The following CPEB1 variants were observed in gnomAD, a reference collection of about 807,000 sequenced individuals.
The protein encoded by CPEB1 is cytoplasmic polyadenylation element-binding protein 1.
Under a neutral mutation model 65.8 loss-of-function variants are expected in CPEB1, and 7 were observed. The observed-to-expected ratio is 0.11, with a 90% CI of 0.06 to 0.20. The LOEUF is 0.20. Ranked by LOEUF, CPEB1 falls within the 10% of genes least tolerant of loss-of-function variation. The pLI is 1.00. For synonymous variants in CPEB1, 262 were observed against 260.0 expected (o/e 1.01, Z -0.08); for missense variants, 551 against 712.2 (o/e 0.77, Z 2.58).
chr15:82,578,300 G>C (rs560331046), intron 3 of CPEB1, among the ~76,000 whole-genome samples: 1 of 152,128 alleles, frequency 6.6e-6, no homozygotes, highest in East Asian at 1.9e-4. Context: ...AGGAATGAAC[G>C]CAACTATCAG....
chr15:82,620,358 GA>G (rs2045185523), intron 3 of CPEB1, among the ~76,000 whole-genome samples: 1 of 151,396 alleles, frequency 6.6e-6, no homozygotes, highest in Non-Finnish European at 1.5e-5. Context: ...CTGGGAGGCG[GA>G]GGATGCAGGG....
chr15:82,557,776 T>C lies in CPEB1; in HGVS notation c.671A>G (p.His224Arg). 3 of 1,613,870 alleles carry C rather than the reference T, an allele frequency of 1.9e-6. No homozygotes were observed. The highest frequency in any genetic ancestry group is 2.5e-6 in the Non-Finnish European group (3 of 1,179,870). Residue 224 changes from histidine (H) to arginine (R), a missense_variant, in exon 5 of 13, where the codon CAT becomes CGT. By Grantham distance (29) the His-to-Arg change is conservative (BLOSUM62 0). Transcript: ENST00000684509. The part of the protein sequence containing the change: ...DTSGFSSGSD[H>R]LSDLISSLRI... ...GTTACATACAATCAAATCTGAGAGATGATCTGATCCAGAGCTGAAGCCACT... is the reference window on the plus strand; with the variant it reads ...GTTACATACAATCAAATCTGAGAGACGATCTGATCCAGAGCTGAAGCCACT...
intron 1 of CPEB1, among the ~76,000 whole-genome samples, chr15:82,631,423 A>G (rs1202228009): frequency 6.7e-6 from 1 of 148,568 alleles, no homozygotes; most frequent in Non-Finnish European, 1.5e-5. Flanking sequence ...TTTGGAAGGA[A>G]AAAAAAAAAA....
At chr15:82,614,086 G>A (rs1004768574) in intron 3 of CPEB1, among the ~76,000 whole-genome samples, 1 of 151,018 alleles carries the variant, frequency 6.6e-6, no homozygotes, top group East Asian at 2.0e-4. Context: ...ACCCTGGGAC[G>A]GCCCCAGGGG....
At chr15:82,591,842 CTTTTTTT>C (rs771971142) in intron 3 of CPEB1, among the ~76,000 whole-genome samples, 8 of 134,130 alleles carry the variant, frequency 6.0e-5, no homozygotes, top group African/African-American at 1.9e-4. Flanking sequence ...TGTATCAGAA[CTTTTTTT>C]TTTTTTTTTT....
intron 1 of CPEB1, chr15:82,640,981 AG>A (rs1399191568): frequency 6.6e-6 from 1 of 152,174 alleles, no homozygotes; most frequent in African/African-American, 2.4e-5. Flanking sequence ...AACACAGCAG[AG>A]GTAAGAGTGT....
intron 4 of CPEB1, among the ~76,000 whole-genome samples, chr15:82,565,555 A>G (rs2038984125): frequency 6.6e-6 from 1 of 152,232 alleles, no homozygotes; most frequent in Non-Finnish European, 1.5e-5. Context: ...AATCCAGTGG[A>G]AATGACAGGT....
At chr15:82,562,085 TG>T in intron 4 of CPEB1, 1 of 393,532 alleles carries the variant, frequency 2.5e-6, no homozygotes, top group Non-Finnish European at 4.9e-6. Context: ...GCAGTCAGTT[TG>T]TAAAAGTAAC....
intron 3 of CPEB1, among the ~76,000 whole-genome samples, chr15:82,603,723 C>T (rs965472346): frequency 3.9e-5 from 6 of 152,136 alleles, no homozygotes; most frequent in Non-Finnish European, 8.8e-5. Context: ...CAGTTTCTGT[C>T]CATCATTAGC....
intron 3 of CPEB1, among the ~76,000 whole-genome samples, chr15:82,612,281 G>A (rs919396721): frequency 2.0e-5 from 3 of 152,020 alleles, no homozygotes; most frequent in Non-Finnish European, 4.4e-5. Context: ...TGGATTGCCT[G>A]AGGTCAGGAG....
chr15:82,560,518 C>G (rs1190118200), intron 4 of CPEB1, among the ~76,000 whole-genome samples: 2 of 150,784 alleles, frequency 1.3e-5, no homozygotes, highest in African/African-American at 2.4e-5. Context: ...GCCTCTAGAA[C>G]AGCTGGGACT....
intron 3 of CPEB1, among the ~76,000 whole-genome samples, chr15:82,621,016 A>AC (rs1313887836): frequency 6.6e-6 from 1 of 152,218 alleles, no homozygotes; most frequent in Non-Finnish European, 1.5e-5. Flanking sequence ...TTAACTGTTA[A>AC]AGCCACACAG....
chr15:82,638,159 T>TTAAATAAA (rs2046819199), intron 1 of CPEB1, among the ~76,000 whole-genome samples: 2 of 152,200 alleles, frequency 1.3e-5, no homozygotes, highest in Admixed American at 1.3e-4. Context: ...TTTAATATCA[T>TTAAATAAA]TGTCAGACAA....
rs188742171 is a variant in CPEB1 at position 82,645,367 on chromosome 15, G to A, written c.-98+1770C>T. Among the ~76,000 whole-genome samples the A allele has an allele frequency of 1.1e-4, 16 of 152,148 alleles. No homozygotes were observed. In the East Asian group the frequency reaches 2.7e-3, roughly 26 times the overall value. ...GGGAATTCACCTTGTTGGCCAGGCT[G>A]GTCTTGAACTTCTGACCTCAGGTGA... On this transcript the variant is annotated intron_variant, in intron 1 of 12. Transcript: ENST00000684509.
At chr15:82,590,543 GGTTT>G (rs984045487) in intron 3 of CPEB1, among the ~76,000 whole-genome samples, 47 of 152,152 alleles carry the variant, frequency 3.1e-4, no homozygotes, top group African/African-American at 1.1e-3. Context: ...GCGATGTGCA[GGTTT>G]GTTATATGAG....
At chr15:82,582,393 G>A (rs536379603) in intron 3 of CPEB1, among the ~76,000 whole-genome samples, 1 of 152,150 alleles carries the variant, frequency 6.6e-6, no homozygotes, top group Non-Finnish European at 1.5e-5. Context: ...AGCTAAGAAA[G>A]TCAGCCACAA....
chr15:82,584,902 G>GTTTTT (rs1491170341), intron 3 of CPEB1, among the ~76,000 whole-genome samples: 5 of 22,774 alleles, frequency 2.2e-4, no homozygotes, highest in African/African-American at 1.6e-3. Flanking sequence ...TTCCTAATTT[G>GTTTTT]CTTTTTTTTT....
In CPEB1 at chr15:82,544,693, T is replaced by G. The variant is rs1230000886; in HGVS notation, c.1666A>C (p.Lys556Gln). 2 of 1,613,066 alleles carry G rather than the reference T, an allele frequency of 1.2e-6. No individual in the cohort carries two copies. Among genetic ancestry groups the G allele is most frequent in the Non-Finnish European group, 1.7e-6 (2 of 1,179,710 alleles). ...PFFCRDQVCF[K>Q]YFCRSCWHWR... is the part of the protein sequence containing the mutation. ...TGCCAGCAGCTCCGGCAGAAGTATT[T>G]GAAGCAGACCTGGGTTGGGGGAACA... Residue 556 changes from lysine to glutamine, a missense_variant, in exon 13 of 13, where the codon AAA (lysine) becomes CAA (glutamine). Transcript: ENST00000684509.
At chr15:82,610,855 G>A (rs1273882139) in intron 3 of CPEB1, among the ~76,000 whole-genome samples, 1 of 149,528 alleles carries the variant, frequency 6.7e-6, no homozygotes, top group Admixed American at 6.7e-5. Flanking sequence ...CTACTCTGGA[G>A]GCTGAGGCAG....
Sources: gnomAD v4.1 joint callset for allele counts (sites outside exome capture counted in the v4.1 genomes callset) on GRCh38, gnomAD v4.1.1 for gene constraint, MANE v1.5 for transcripts, NCBI Gene and HGNC (gene_info 2026-07-23, HGNC 2026-07-21) for gene names.